The following EYA4 variants were observed in gnomAD, a reference collection of about 807,000 sequenced individuals.
EYA4 encodes EYA transcriptional coactivator and phosphatase 4, also known as protein phosphatase EYA4.
A neutral mutation model predicts 87.9 loss-of-function variants in EYA4; 31 were observed. That is an observed-to-expected ratio of 0.35 (90% CI 0.27 to 0.48). The LOEUF is 0.48. Ranked by LOEUF, EYA4 falls within the 20% of genes least tolerant of loss-of-function variation. The pLI is 0.99. For missense variants in EYA4, 678 were observed against 761.4 expected, an observed-to-expected ratio of 0.89 and a Z score of 1.29; for synonymous variants, 263 against 270.6, an observed-to-expected ratio of 0.97 and a Z score of 0.28.
At chr6:133,409,598 A>G (rs546233274) in intron 3 of EYA4, among the ~76,000 whole-genome samples, 2 of 152,314 alleles carry the variant, frequency 1.3e-5, no homozygotes, top group East Asian at 3.9e-4. Context: ...ATACAACTAT[A>G]ACCTATGTAT....
At position 133,530,293 on chromosome 6, in the gene EYA4, T is replaced by C; in HGVS notation, c.*1488T>C. On this transcript the variant is annotated 3_prime_UTR_variant, in exon 20 of 20. Transcript: ENST00000355286. Reference sequence around the variant, plus strand: ...GCCTGTATTGTCACTGCGCAACGGATGGCATTCATTACAAGAAGAGCCCAT... The same window carrying C: ...GCCTGTATTGTCACTGCGCAACGGACGGCATTCATTACAAGAAGAGCCCAT... The C allele has an allele frequency of 1.0e-6, 1 of 985,464 alleles. No homozygotes were observed. Among genetic ancestry groups the C allele is most frequent in the Non-Finnish European group, 1.2e-6 (1 of 829,944 alleles). The allele number at this position is 985,464 out of a possible 1,614,324, so 61.0% of individuals were successfully genotyped here.
Position 133,483,131 on chromosome 6 carries a change from A to ATGT in EYA4, c.1191+18_1191+20dup, listed in dbSNP as rs754655773. 3 of 1,572,372 alleles carry ATGT rather than the reference A, an allele frequency of 1.9e-6. No individual in the cohort carries two copies. The African/African-American group carries it at 4.1e-5, about 21-fold the overall frequency. On this transcript the variant is annotated intron_variant, in intron 13 of 19. Coordinates refer to ENST00000355286, the MANE Select transcript of EYA4 (RefSeq NM_004100.5). ...GTATGGCAAGGTAAGAAATCAAGAA[A>ATGT]TGTTACTCCAAGAAATCTTGTTAAA...
At chr6:133,293,796 G>C (rs1372950331) in intron 2 of EYA4, among the ~76,000 whole-genome samples, 2 of 151,382 alleles carry the variant, frequency 1.3e-5, no homozygotes, top group Non-Finnish European at 1.5e-5. Context: ...AATTAGACAG[G>C]CATGGTGGCA....
rs1786624447 is a variant in EYA4, at chr6:133,385,341, C to G, written c.83+2900C>G. ...ACCCACAAAATATATATATTTTATA[C>G]ATATATATATATTTTTTCTCTCTCC... On this transcript the variant is annotated intron_variant, in intron 3 of 19. Coordinates refer to ENST00000355286, the MANE Select transcript of EYA4 (RefSeq NM_004100.5). Among the ~76,000 whole-genome samples, 3 of 127,268 alleles carry G rather than the reference C, an allele frequency of 2.4e-5. No individual in the cohort carries two copies. The South Asian group carries it at 7.3e-4, about 31-fold the overall frequency. 83.5% of individuals were successfully genotyped at this position (127,268 alleles called of 152,430 possible).
At chr6:133,343,345 C>T (rs1305530605) in intron 2 of EYA4, among the ~76,000 whole-genome samples, 3 of 152,200 alleles carry the variant, frequency 2.0e-5, no homozygotes, top group Non-Finnish European at 4.4e-5. Flanking sequence ...CATTTGTTCA[C>T]ACTTTTACTC....
chr6:133,296,841 A>G (rs1490113807), intron 2 of EYA4, among the ~76,000 whole-genome samples: 2 of 152,128 alleles, frequency 1.3e-5, no homozygotes. Context: ...CGTCTTGTTC[A>G]AAGCTTCCAT....
intron 2 of EYA4, among the ~76,000 whole-genome samples, chr6:133,300,349 GTCA>G (rs923572483): frequency 1.8e-4 from 28 of 152,038 alleles, no homozygotes; most frequent in African/African-American, 6.8e-4. Flanking sequence ...CCATGATTCT[GTCA>G]TCATCTACTG....
intron 1 of EYA4, among the ~76,000 whole-genome samples, chr6:133,243,569 T>C (rs547421799): frequency 1.3e-5 from 2 of 152,010 alleles, no homozygotes; most frequent in Non-Finnish European, 2.9e-5. Flanking sequence ...GTTTGTTGCG[T>C]TGTTTTTGTT....
At chr6:133,387,966 A>C (rs967081383) in intron 3 of EYA4, among the ~76,000 whole-genome samples, 2 of 152,114 alleles carry the variant, frequency 1.3e-5, no homozygotes, top group Non-Finnish European at 2.9e-5. Context: ...AATGAGGGTG[A>C]ATGATGTCCT....
intron 11 of EYA4, among the ~76,000 whole-genome samples, chr6:133,480,974 G>A (rs1292107442): frequency 6.6e-6 from 1 of 151,692 alleles, no homozygotes; most frequent in East Asian, 1.9e-4. Flanking sequence ...TGGAAGGGAA[G>A]ATGGGAGAGG....
chr6:133,332,643 A>G (rs1782054499), intron 2 of EYA4, among the ~76,000 whole-genome samples: 1 of 151,712 alleles, frequency 6.6e-6, no homozygotes, highest in South Asian at 2.1e-4. Context: ...TCCCGGGTTC[A>G]AGCTATTCCC....
intron 2 of EYA4, among the ~76,000 whole-genome samples, chr6:133,347,627 C>G (rs1033354093): frequency 2.0e-5 from 3 of 152,142 alleles, no homozygotes; most frequent in Non-Finnish European, 4.4e-5. Flanking sequence ...TATTCTATGC[C>G]AAACACTGTT....
chr6:133,294,224 A>G (rs955727194), intron 2 of EYA4, among the ~76,000 whole-genome samples: 8 of 150,774 alleles, frequency 5.3e-5, no homozygotes, highest in African/African-American at 1.9e-4. Flanking sequence ...TCACAGGCTT[A>G]TCCTCCTAAG....
intron 2 of EYA4, among the ~76,000 whole-genome samples, chr6:133,361,170 G>C (rs1443461597): frequency 6.6e-6 from 1 of 152,170 alleles, no homozygotes; most frequent in Non-Finnish European, 1.5e-5. Flanking sequence ...CGTTGTCACA[G>C]ACTCCCTTTT....
At chr6:133,356,787 G>A (rs62428728) in intron 2 of EYA4, among the ~76,000 whole-genome samples, 8 of 91,756 alleles carry the variant, frequency 8.7e-5, no homozygotes, top group South Asian at 3.6e-4. Context: ...GTGTGTGTGT[G>A]TGTGTATATA....
intron 11 of EYA4, 50 bp downstream of exon 11, chr6:133,468,781 A>G: frequency 6.3e-7 from 1 of 1,583,166 alleles, no homozygotes; most frequent in Non-Finnish European, 8.7e-7. Context: ...TGCAATATCT[A>G]ATAAAACGGA....
chr6:133,357,074 A>G (rs1365228889), intron 2 of EYA4, among the ~76,000 whole-genome samples: 1 of 151,938 alleles, frequency 6.6e-6, no homozygotes, highest in Non-Finnish European at 1.5e-5. Flanking sequence ...GATCGAGACC[A>G]TCCTGGCTAA....
chr6:133,326,770 C>G (rs920002223), intron 2 of EYA4, among the ~76,000 whole-genome samples: 1 of 152,218 alleles, frequency 6.6e-6, no homozygotes, highest in African/African-American at 2.4e-5. Flanking sequence ...TGAAGTGCTG[C>G]TCTTAATGGG....
At chr6:133,386,412 A>T (rs188383616) in intron 3 of EYA4, among the ~76,000 whole-genome samples, 48 of 152,248 alleles carry the variant, frequency 3.2e-4, no homozygotes, top group Non-Finnish European at 5.9e-4. Flanking sequence ...TCTGATAATG[A>T]GGTGAGGAAA....
Sources: gnomAD v4.1 joint callset for allele counts (sites outside exome capture counted in the v4.1 genomes callset) on GRCh38, gnomAD v4.1.1 for gene constraint, MANE v1.5 for transcripts, NCBI Gene and HGNC (gene_info 2026-07-23, HGNC 2026-07-21) for gene names.